The following NUDT21 variants were observed in gnomAD, a reference collection of about 807,000 sequenced individuals.
NUDT21 encodes the protein nudix hydrolase 21.
NUDT21 carries 5 observed loss-of-function variants against 29.8 expected under a neutral mutation model. That is an observed-to-expected ratio of 0.17 (90% CI 0.09 to 0.35). The LOEUF (loss-of-function observed/expected upper bound fraction) is 0.35. Among genes scored for constraint, NUDT21 ranks in the 10% least tolerant of loss-of-function variants. NUDT21 has a pLI of 1.00. For synonymous variants in NUDT21, 113 were observed against 98.5 expected (o/e 1.15, Z -0.87); for missense variants, 76 against 276.0 (o/e 0.28, Z 5.13).
rs1224602717 is a variant in NUDT21, at chr16:56,451,247, G to A, written c.-45C>T. On this transcript the variant is annotated 5_prime_UTR_variant, in exon 1 of 7. Coordinates refer to ENST00000300291, the MANE Select transcript of NUDT21 (RefSeq NM_007006.3). ...GACGGCGAGCAGAAAGTGGCAGGCA[G>A]GGTAGACTTTCCCCGTGCGGGAAGC... The A allele has an allele frequency of 2.1e-6, 3 of 1,433,330 alleles. No individual in the cohort carries two copies. The highest frequency in any genetic ancestry group is 2.9e-6 in the Non-Finnish European group (3 of 1,042,428). The allele number at this position is 1,433,330 out of a possible 1,614,324, so 88.8% of individuals were successfully genotyped here. A position where few individuals can be genotyped will look rare whatever the true frequency, so the allele number is the denominator to read the frequency against.
rs770348994 is a variant in NUDT21 at position 56,447,882 on chromosome 16, C to G, written c.224G>C (p.Gly75Ala). 1 of 1,614,132 alleles carries G rather than the reference C, an allele frequency of 6.2e-7. No individual in the cohort carries two copies. Among genetic ancestry groups the G allele is most frequent in the South Asian group, 1.1e-5 (1 of 91,076 alleles). Residue 75 changes from glycine (G) to alanine (A), a missense_variant, in exon 2 of 7, where the codon GGA (glycine) becomes GCA (alanine). Transcript: ENST00000300291. Reference sequence around the variant, plus strand: ...AACCCCTTCTACAGTCCTCCTCATTCCAATTTTATCAAATTCTTCCCTCAT... The same window carrying G: ...AACCCCTTCTACAGTCCTCCTCATTGCAATTTTATCAAATTCTTCCCTCAT... ...QRMREEFDKI[G>A]MRRTVEGVLI... is the part of the protein sequence containing the mutation.
chr16:56,445,110 G>T (rs1198230590), intron 3 of NUDT21, among the ~76,000 whole-genome samples: 1 of 152,138 alleles, frequency 6.6e-6, no homozygotes, highest in Non-Finnish European at 1.5e-5. Flanking sequence ...CTTAAACCCG[G>T]GAGGCGGAGG....
At chr16:56,445,390 T>C (rs1418070037) in intron 3 of NUDT21, among the ~76,000 whole-genome samples, 1 of 152,222 alleles carries the variant, frequency 6.6e-6, no homozygotes, top group Non-Finnish European at 1.5e-5. Flanking sequence ...GAATGGGATA[T>C]CCACCCCCTC....
chr16:56,448,480 T>C (rs1245520360), intron 1 of NUDT21, among the ~76,000 whole-genome samples: 2 of 152,194 alleles, frequency 1.3e-5, no homozygotes, highest in African/African-American at 4.8e-5. Context: ...CAGTCAACTA[T>C]CCTCAGATTT....
chr16:56,434,580 T>G, intron 5 of NUDT21, 135 bp from the exon 6 acceptor site: 1 of 769,670 alleles, frequency 1.3e-6, no homozygotes, highest in Non-Finnish European at 2.2e-6. Flanking sequence ...TTTGGTTGTG[T>G]CTTTCAAGGT....
intron 6 of NUDT21, among the ~76,000 whole-genome samples, chr16:56,433,097 A>T (rs919688246): frequency 1.3e-5 from 2 of 152,074 alleles, no homozygotes; most frequent in Non-Finnish European, 2.9e-5. Flanking sequence ...AAATAATATG[A>T]CTCTTTTCCC....
At chr16:56,444,257 C>G (rs1962191433) in intron 3 of NUDT21, among the ~76,000 whole-genome samples, 1 of 152,038 alleles carries the variant, frequency 6.6e-6, no homozygotes, top group Non-Finnish European at 1.5e-5. Flanking sequence ...ATCCTCCAGC[C>G]TGAGGAACAG....
intron 1 of NUDT21, among the ~76,000 whole-genome samples, chr16:56,450,858 C>G (rs148250665): frequency 2.0e-5 from 3 of 152,272 alleles, no homozygotes; most frequent in Non-Finnish European, 2.9e-5. Flanking sequence ...CCCATTATGA[C>G]CGAATACATA....
chr16:56,449,620 T>C (rs907395472), intron 1 of NUDT21, among the ~76,000 whole-genome samples: 40 of 152,312 alleles, frequency 2.6e-4, no homozygotes, highest in African/African-American at 9.4e-4. Flanking sequence ...ATTTTGCCAA[T>C]TCTACAAAAT....
intron 6 of NUDT21, 69 bp downstream of exon 6, chr16:56,434,261 CA>C: frequency 5.2e-6 from 5 of 969,538 alleles, no homozygotes; most frequent in Non-Finnish European, 8.3e-6. Flanking sequence ...TATACCTTCC[CA>C]AGTGGCTCAG....
chr16:56,437,009 GA>G (rs1962111706), intron 4 of NUDT21, among the ~76,000 whole-genome samples: 1 of 151,990 alleles, frequency 6.6e-6, no homozygotes, highest in African/African-American at 2.4e-5. Flanking sequence ...GCATGTTCAG[GA>G]AGCCAAAAAA....
intron 1 of NUDT21, among the ~76,000 whole-genome samples, chr16:56,450,771 A>T (rs1364519121): frequency 1.3e-5 from 2 of 152,230 alleles, no homozygotes; most frequent in East Asian, 1.9e-4. Flanking sequence ...TGGAAGGATT[A>T]AAAAAACACA....
rs1211448140 is a variant in NUDT21 at position 56,430,072 on chromosome 16, T to C, written c.*2640A>G. ...TTGTCCAAATACAGTGTTAACTTAATGGAACCCTTAAATATCCAAAATAAT... is the reference window on the plus strand; with the variant it reads ...TTGTCCAAATACAGTGTTAACTTAACGGAACCCTTAAATATCCAAAATAAT... On this transcript the variant is annotated 3_prime_UTR_variant, in exon 7 of 7. Coordinates refer to ENST00000300291, the MANE Select transcript of NUDT21 (RefSeq NM_007006.3). 1.1e-4 allele frequency: 17 copies of C among 152,208 alleles called. No homozygotes were observed. Among genetic ancestry groups the C allele is most frequent in the African/African-American group, 4.1e-4 (17 of 41,454 alleles). The allele number at this position is 152,208 out of a possible 1,614,324, so 9.4% of individuals were successfully genotyped here.
chr16:56,440,794 A>C (rs1962150720), intron 3 of NUDT21, among the ~76,000 whole-genome samples: 1 of 152,126 alleles, frequency 6.6e-6, no homozygotes, highest in African/African-American at 2.4e-5. Flanking sequence ...GCTGGAGTGC[A>C]ATGGCGCAAT....
chr16:56,451,120 G>T lies in NUDT21; in HGVS notation c.83C>A (p.Thr28Lys). The T allele has an allele frequency of 6.2e-7, 1 of 1,613,774 alleles. No individual in the cohort carries two copies. Among genetic ancestry groups the T allele is most frequent in the Non-Finnish European group, 8.5e-7 (1 of 1,179,860 alleles). ...TQFGNKYIQQ[T>K]KPLTLERTIN... ...GGTGCGCTCCAGGGTGAGGGGCTTC[G>T]TCTGCTGGATGTACTTGTTGCCGAA... The change falls in exon 1 of 7, where the codon ACG becomes AAG. Residue 28 changes from threonine (T) to lysine (K), a missense_variant. Transcript: ENST00000300291.
In NUDT21 at chr16:56,431,958, T is replaced by A. The variant is rs1962039328; in HGVS notation, c.*754A>T. 1 of 152,152 alleles carries A rather than the reference T, an allele frequency of 6.6e-6. No individual in the cohort carries two copies. The highest frequency in any genetic ancestry group is 2.1e-4 in the South Asian group (1 of 4,832). The allele number at this position is 152,152 out of a possible 1,614,324, so 9.4% of individuals were successfully genotyped here. On this transcript the variant is annotated 3_prime_UTR_variant, in exon 7 of 7. Transcript: ENST00000300291. Reference sequence around the variant, plus strand: ...CAATTTTAGAAATTTCCTTCACAGATCCCTATTTTTACCATGGCTTTAAGA... The same window carrying A: ...CAATTTTAGAAATTTCCTTCACAGAACCCTATTTTTACCATGGCTTTAAGA...
intron 4 of NUDT21, among the ~76,000 whole-genome samples, chr16:56,436,994 T>A (rs141864421): frequency 6.6e-6 from 1 of 152,274 alleles, no homozygotes; most frequent in South Asian, 2.1e-4. Flanking sequence ...TCCAATTAGA[T>A]CAAGGCATGT....
intron 1 of NUDT21, 66 bp from the exon 2 acceptor site, chr16:56,448,055 G>A: frequency 6.4e-6 from 9 of 1,397,792 alleles, no homozygotes; most frequent in Non-Finnish European, 9.0e-6. Context: ...ACAGACATTA[G>A]CATAAAGAAA....
chr16:56,437,423 A>G (rs572815353), intron 4 of NUDT21, among the ~76,000 whole-genome samples: 1 of 152,346 alleles, frequency 6.6e-6, no homozygotes, highest in Non-Finnish European at 1.5e-5. Flanking sequence ...ATTTAAATCC[A>G]AAAGGTCATA....
Sources: gnomAD v4.1 joint callset for allele counts (sites outside exome capture counted in the v4.1 genomes callset) on GRCh38, gnomAD v4.1.1 for gene constraint, MANE v1.5 for transcripts, NCBI Gene and HGNC (gene_info 2026-07-23, HGNC 2026-07-21) for gene names.